NPR3: variants seen among roughly 807,000 people sequenced by gnomAD.
NPR3 encodes the protein atrial natriuretic peptide receptor 3.
In NPR3, 34 loss-of-function variants were observed where a neutral mutation model predicts 54.5. The ratio of observed to expected loss-of-function variants is 0.62; its 90% CI spans 0.47 to 0.83. The LOEUF (loss-of-function observed/expected upper bound fraction) is 0.83, where lower values mean the gene tolerates loss of function less well. Ranked by LOEUF, NPR3 falls within the 40% of genes least tolerant of loss-of-function variation. The pLI is 0.00. For missense variants in NPR3, 674 were observed against 720.8 expected (o/e 0.94, Z 0.74); for synonymous variants, 289 against 297.1 (o/e 0.97, Z 0.28).
intron 1 of NPR3, among the ~76,000 whole-genome samples, chr5:32,703,192 G>T (rs556041570): frequency 1.3e-5 from 2 of 152,018 alleles, no homozygotes; most frequent in African/African-American, 4.8e-5. Flanking sequence ...TGTCATAAAT[G>T]CTGGGCCTGG....
At chr5:32,728,831 GTGTGTGTATA>G (rs1444653921) in intron 2 of NPR3, among the ~76,000 whole-genome samples, 30 of 63,964 alleles carry the variant, frequency 4.7e-4, no homozygotes, top group African/African-American at 1.5e-3. Context: ...GTGTGTGTGT[GTGTGTGTATA>G]TATATATATA....
intron 3 of NPR3, among the ~76,000 whole-genome samples, chr5:32,772,910 T>A (rs1173739): frequency 0.042 from 6,432 of 152,280 alleles, 475 homozygotes; most frequent in African/African-American, 0.15. Context: ...TTTAACCATT[T>A]TTCTAAACTG....
At chr5:32,693,624 T>C (rs1740454033) in intron 1 of NPR3, among the ~76,000 whole-genome samples, 1 of 152,244 alleles carries the variant, frequency 6.6e-6, no homozygotes, top group Admixed American at 6.5e-5. Flanking sequence ...TGTAACACGA[T>C]TGGCTATCAC....
intron 3 of NPR3, among the ~76,000 whole-genome samples, chr5:32,750,023 A>G (rs1213403940): frequency 6.6e-6 from 1 of 152,188 alleles, no homozygotes; most frequent in Non-Finnish European, 1.5e-5. Context: ...CTCCAATTCT[A>G]GAGCCTCTGA....
chr5:32,776,938 A>C (rs572199420), intron 4 of NPR3, among the ~76,000 whole-genome samples: 138 of 152,224 alleles, frequency 9.1e-4, no homozygotes, highest in Middle Eastern at 3.4e-3. Context: ...ACCCGAGGGA[A>C]GTGAGGGAAG....
intron 2 of NPR3, among the ~76,000 whole-genome samples, chr5:32,729,936 G>T (rs1739370545): frequency 6.6e-6 from 1 of 152,024 alleles, no homozygotes; most frequent in South Asian, 2.1e-4. Context: ...TAAACTACAG[G>T]CCTATTTGAA....
At chr5:32,740,874 C>CTACG (rs1251140050) in intron 3 of NPR3, among the ~76,000 whole-genome samples, 1 of 151,942 alleles carries the variant, frequency 6.6e-6, no homozygotes, top group Non-Finnish European at 1.5e-5. Context: ...GCAACAGAGC[C>CTACG]TACGTTTAAG....
rs1579585189 is a variant in NPR3 at position 32,712,054 on chromosome 5, T to G, written c.278T>G (p.Leu93Arg). The change falls in exon 1 of 8, where the codon CTG (leucine) becomes CGG (arginine). Residue 93 changes from leucine to arginine, a missense_variant. By Grantham distance (102) the Leu-to-Arg change is moderately radical. Coordinates refer to ENST00000265074, the MANE Select transcript of NPR3 (RefSeq NM_001204375.2). The stretch of plus-strand genomic sequence containing the variant: ...GGCAACGGGACTGGGAGGCGGCTTC[T>G]GCCGCCGGGCACTCGCTTCCAGGTG... ...VEGNGTGRRLLPPGTRFQVAY... is the reference protein window; with the variant it reads ...VEGNGTGRRLRPPGTRFQVAY... The G allele has an allele frequency of 1.2e-6, 2 of 1,613,846 alleles. No individual in the cohort carries two copies. Among genetic ancestry groups the G allele is most frequent in the East Asian group, 4.5e-5 (2 of 44,868 alleles).
chr5:32,773,004 T>TA (rs1252290479), intron 3 of NPR3, among the ~76,000 whole-genome samples: 2 of 152,026 alleles, frequency 1.3e-5, no homozygotes, highest in Non-Finnish European at 2.9e-5. Context: ...AGGGGTGGGA[T>TA]AAGGTTAAGT....
intron 1 of NPR3, among the ~76,000 whole-genome samples, chr5:32,721,128 G>C (rs1738837254): frequency 6.6e-6 from 1 of 152,158 alleles, no homozygotes; most frequent in Non-Finnish European, 1.5e-5. Context: ...CTTTGCAAGT[G>C]TCATTAGGTG....
At position 32,732,746 on chromosome 5, in the gene NPR3, C is replaced by G. The variant is rs1739530153; in HGVS notation, c.893-6118C>G. ...ATATATATGTTCATGAAAAGTTGTTCAACATCTACCTCTCCCTGGGCCTCT... is the reference window on the plus strand; with the variant it reads ...ATATATATGTTCATGAAAAGTTGTTGAACATCTACCTCTCCCTGGGCCTCT... On this transcript the variant is annotated intron_variant, in intron 2 of 7. Transcript: ENST00000265074. Among the ~76,000 whole-genome samples, 4 of 152,246 alleles carry G rather than the reference C, an allele frequency of 2.6e-5. No individual in the cohort carries two copies. The South Asian group carries it at 8.3e-4, about 32-fold the overall frequency.
chr5:32,746,227 G>A (rs776424578), intron 3 of NPR3, among the ~76,000 whole-genome samples: 1 of 152,140 alleles, frequency 6.6e-6, no homozygotes, highest in Non-Finnish European at 1.5e-5. Flanking sequence ...GTTTTCATGA[G>A]CTCGTTAGGT....
chr5:32,785,013 G>A, intron 7 of NPR3, 130 bp downstream of exon 7: 1 of 770,324 alleles, frequency 1.3e-6, no homozygotes, highest in Admixed American at 2.3e-5. Context: ...AAAAATCTCA[G>A]CCATTCTTTT....
At chr5:32,766,472 G>A (rs529442216) in intron 3 of NPR3, among the ~76,000 whole-genome samples, 4 of 152,136 alleles carry the variant, frequency 2.6e-5, no homozygotes, top group South Asian at 4.2e-4. Context: ...CAATGTCTGC[G>A]GTTCATTTTA....
chr5:32,771,138 A>G (rs998867823), intron 3 of NPR3, among the ~76,000 whole-genome samples: 6 of 152,140 alleles, frequency 3.9e-5, no homozygotes, highest in African/African-American at 1.4e-4. Context: ...CTTCCCACTA[A>G]AAATCGCGTG....
intron 3 of NPR3, among the ~76,000 whole-genome samples, chr5:32,749,703 G>A (rs1020573788): frequency 6.6e-6 from 1 of 152,140 alleles, no homozygotes; most frequent in Non-Finnish European, 1.5e-5. Context: ...CTCACCTTTA[G>A]GACTGCAGAC....
At chr5:32,758,850 T>A (rs1452244980) in intron 3 of NPR3, among the ~76,000 whole-genome samples, 1 of 152,222 alleles carries the variant, frequency 6.6e-6, no homozygotes, top group Non-Finnish European at 1.5e-5. Flanking sequence ...TCTGCCTTCA[T>A]TTCGTTATGT....
chr5:32,784,262 C>T (rs570543448), intron 6 of NPR3, among the ~76,000 whole-genome samples: 40 of 152,276 alleles, frequency 2.6e-4, no homozygotes, highest in African/African-American at 9.1e-4. Context: ...GATCCTGGCT[C>T]GTTGCAACCT....
intron 1 of NPR3, among the ~76,000 whole-genome samples, chr5:32,718,741 A>T (rs1236062170): frequency 6.6e-6 from 1 of 152,090 alleles, no homozygotes; most frequent in Non-Finnish European, 1.5e-5. Context: ...GCTTAAGGAG[A>T]TTTTGGGCTG....
Sources: allele counts gnomAD v4.1 joint callset (sites outside exome capture counted in the v4.1 genomes callset), GRCh38; gene constraint gnomAD v4.1.1; transcripts MANE v1.5; gene names NCBI Gene and HGNC (gene_info 2026-07-23, HGNC 2026-07-21).